The following ADGRG7 variants were observed in gnomAD, a reference collection of about 807,000 sequenced individuals.
ADGRG7 encodes the protein adhesion G protein-coupled receptor G7, also known as G-protein coupled receptor 128.
ADGRG7 carries 82 observed loss-of-function variants against 88.6 expected under a neutral mutation model. That is an observed-to-expected ratio of 0.93 (90% confidence interval 0.77 to 1.11). The LOEUF (loss-of-function observed/expected upper bound fraction) is 1.11, where lower values mean the gene tolerates loss of function less well. ADGRG7 is among the 50% of genes most tolerant of loss of function. The pLI is 0.00. For synonymous variants in ADGRG7, 381 were observed against 345.2 expected (o/e 1.10, Z -1.15); for missense variants, 945 against 953.4 (o/e 0.99, Z 0.12).
intron 1 of ADGRG7, among the ~76,000 whole-genome samples, chr3:100,620,719 A>T (rs959149636): frequency 6.6e-6 from 1 of 152,220 alleles, no homozygotes; most frequent in East Asian, 1.9e-4. Context: ...TCCCTCACAG[A>T]CCCTGGCTGA....
At chr3:100,658,277 CTA>C (rs1183766700) in intron 13 of ADGRG7, among the ~76,000 whole-genome samples, 2 of 152,342 alleles carry the variant, frequency 1.3e-5, no homozygotes, top group East Asian at 3.9e-4. Flanking sequence ...CTGGTCCAAA[CTA>C]TCCATATTAT....
intron 8 of ADGRG7, among the ~76,000 whole-genome samples, 166 bp from the exon 9 acceptor site, chr3:100,645,779 G>A (rs1047017098): frequency 6.6e-6 from 1 of 151,996 alleles, no homozygotes; most frequent in Admixed American, 6.5e-5. Flanking sequence ...TAGGTTATAT[G>A]TGTTACTTAC....
At chr3:100,671,890 C>G (rs1012119179) in intron 15 of ADGRG7, among the ~76,000 whole-genome samples, 2 of 152,042 alleles carry the variant, frequency 1.3e-5, no homozygotes, top group Non-Finnish European at 2.9e-5. Flanking sequence ...ATTTCTGAGG[C>G]CTCTATTCTG....
chr3:100,681,994 T>G (rs535580412), intron 15 of ADGRG7, among the ~76,000 whole-genome samples: 1 of 152,180 alleles, frequency 6.6e-6, no homozygotes, highest in South Asian at 2.1e-4. Context: ...GAATTTTCAG[T>G]TTTGGTATTT....
intron 14 of ADGRG7, among the ~76,000 whole-genome samples, chr3:100,664,458 C>G (rs1165534): frequency 0.25 from 38,188 of 151,868 alleles, 5,676 homozygotes; most frequent in Non-Finnish European, 0.34. Flanking sequence ...AATCTAACTC[C>G]CCAACCTTAA....
intron 14 of ADGRG7, among the ~76,000 whole-genome samples, chr3:100,663,907 T>G (rs1346229277): frequency 6.6e-6 from 1 of 152,020 alleles, no homozygotes; most frequent in Non-Finnish European, 1.5e-5. Flanking sequence ...TATTCAAGCA[T>G]CCAGTTCAGA....
chr3:100,654,835 G>GA lies in ADGRG7; in HGVS notation c.1383dup (p.Val462SerfsTer29). 2 of 1,531,972 alleles carry GA rather than the reference G, an allele frequency of 1.3e-6. No homozygotes were observed. Among genetic ancestry groups the GA allele is most frequent in the Non-Finnish European group, 1.8e-6 (2 of 1,136,046 alleles). The allele number at this position is 1,531,972 out of a possible 1,614,324, so 94.9% of individuals were successfully genotyped here. A position where few individuals can be genotyped will look rare whatever the true frequency, so the allele number is the denominator to read the frequency against. On this transcript the variant is annotated frameshift_variant and splice_region_variant, in exon 12 of 16. Coordinates refer to ENST00000273352, the MANE Select transcript of ADGRG7 (RefSeq NM_032787.3). LOFTEE classifies it high-confidence loss of function. The stretch of plus-strand genomic sequence containing the variant: ...TTTATATTAATTTACTTATTTTCAG[G>GA]AAAGTCAGAAAAACCTCAGTAACCT...
At chr3:100,615,793 G>A (rs1707216707) in intron 1 of ADGRG7, among the ~76,000 whole-genome samples, 1 of 152,162 alleles carries the variant, frequency 6.6e-6, no homozygotes, top group East Asian at 1.9e-4. Context: ...TCAACCATAT[G>A]AGGGGCAGCA....
intron 11 of ADGRG7, among the ~76,000 whole-genome samples, chr3:100,651,330 C>T (rs921640808): frequency 2.0e-5 from 3 of 152,182 alleles, no homozygotes; most frequent in African/African-American, 7.2e-5. Context: ...AAATTAAATG[C>T]CTCTTAAATT....
intron 6 of ADGRG7, 48 bp downstream of exon 6, chr3:100,637,450 A>C: frequency 7.9e-7 from 1 of 1,258,610 alleles, no homozygotes; most frequent in Non-Finnish European, 1.2e-6. Flanking sequence ...AGGGCTGTTT[A>C]CTTTCCTAGG....
At chr3:100,640,196 T>G (rs918481620) in intron 6 of ADGRG7, among the ~76,000 whole-genome samples, 2 of 152,232 alleles carry the variant, frequency 1.3e-5, no homozygotes, top group African/African-American at 4.8e-5. Context: ...AATTAATTGT[T>G]GTTTAGGACA....
At chr3:100,664,586 A>G (rs1216149635) in intron 14 of ADGRG7, among the ~76,000 whole-genome samples, 1 of 152,222 alleles carries the variant, frequency 6.6e-6, no homozygotes, top group African/African-American at 2.4e-5. Flanking sequence ...TAAATTATTC[A>G]TGGCTCAATA....
At chr3:100,670,655 G>A (rs2094957217) in intron 15 of ADGRG7, among the ~76,000 whole-genome samples, 1 of 152,072 alleles carries the variant, frequency 6.6e-6, no homozygotes, top group Admixed American at 6.6e-5. Flanking sequence ...GTGGTTTGCT[G>A]CACCCATGAA....
At chr3:100,632,851 C>G (rs896794891) in intron 3 of ADGRG7, among the ~76,000 whole-genome samples, 4 of 152,114 alleles carry the variant, frequency 2.6e-5, no homozygotes, top group Non-Finnish European at 5.9e-5. Context: ...ATTGAGGCAA[C>G]TAAACATCTA....
chr3:100,656,524 T>C (rs2094937747), intron 13 of ADGRG7, among the ~76,000 whole-genome samples: 1 of 152,234 alleles, frequency 6.6e-6, no homozygotes, highest in South Asian at 2.1e-4. Flanking sequence ...TGTGAATAAT[T>C]AACTGTTGTA....
intron 13 of ADGRG7, among the ~76,000 whole-genome samples, chr3:100,657,749 A>G (rs1363161935): frequency 6.6e-6 from 1 of 152,196 alleles, no homozygotes; most frequent in Non-Finnish European, 1.5e-5. Context: ...ACTTGGCACT[A>G]TTTTATTTAT....
intron 4 of ADGRG7, among the ~76,000 whole-genome samples, chr3:100,633,801 C>G (rs983923276): frequency 6.6e-6 from 1 of 152,212 alleles, no homozygotes; most frequent in South Asian, 2.1e-4. Flanking sequence ...GGATTACAGG[C>G]GTAGTAAGTA....
At chr3:100,623,319 A>G (rs1325465960) in intron 1 of ADGRG7, among the ~76,000 whole-genome samples, 2 of 152,132 alleles carry the variant, frequency 1.3e-5, no homozygotes, top group African/African-American at 4.8e-5. Flanking sequence ...CCATTTGTTG[A>G]AAAAACTTTC....
At chr3:100,667,864 C>G (rs145749026) in intron 14 of ADGRG7, among the ~76,000 whole-genome samples, 2 of 152,046 alleles carry the variant, frequency 1.3e-5, no homozygotes, top group East Asian at 3.9e-4. Flanking sequence ...GCAGCTAGTT[C>G]GGTGTCTGCC....
Sources: allele counts gnomAD v4.1 joint callset (sites outside exome capture counted in the v4.1 genomes callset), GRCh38; gene constraint gnomAD v4.1.1; transcripts MANE v1.5; gene names NCBI Gene and HGNC (gene_info 2026-07-23, HGNC 2026-07-21).